The following OR1J2 variants were observed in gnomAD, a reference collection of about 807,000 sequenced individuals.
OR1J2 encodes the protein olfactory receptor 1J2.
For missense variants in OR1J2, 304 were observed against 246.1 expected, an observed-to-expected ratio of 1.24 and a Z score of -1.57; for synonymous variants, 142 against 99.7, an observed-to-expected ratio of 1.42 and a Z score of -2.52.
At chr9:122,554,235 A>T in the OR1J2 span, 14 of 1,174,666 alleles carry the variant, frequency 1.2e-5, no homozygotes, top group Admixed American at 3.0e-4. Flanking sequence ...TAATTCTACT[A>T]CTGTCATGTT....
chr9:122,556,164 G>A, the OR1J2 span, among the ~76,000 whole-genome samples: 86,992 of 151,952 alleles, frequency 0.57, 25,409 homozygotes, highest in East Asian at 0.97. Flanking sequence ...TTCACTTAGA[G>A]TGTGTTTAAG....
chr9:122,519,593 C>G, the OR1J2 span: 1 of 1,614,114 alleles, frequency 6.2e-7, no homozygotes, highest in Non-Finnish European at 8.5e-7. Flanking sequence ...CCTGGATCCT[C>G]TCCTGTACCA....
At chr9:122,543,290 CCTT>C in the OR1J2 span, among the ~76,000 whole-genome samples, 30,258 of 152,098 alleles carry the variant, frequency 0.2, 3,440 homozygotes, top group Middle Eastern at 0.29. Flanking sequence ...GCAGCCTCGA[CCTT>C]CTGGGCTCAA....
At chr9:122,467,173 A>T in the OR1J2 span, among the ~76,000 whole-genome samples, 1 of 152,062 alleles carries the variant, frequency 6.6e-6, no homozygotes, top group South Asian at 2.1e-4. Context: ...AATATTTTTC[A>T]TCCTTAATCC....
the OR1J2 span, among the ~76,000 whole-genome samples, chr9:122,489,967 T>C: frequency 6.6e-6 from 1 of 152,272 alleles, no homozygotes; most frequent in East Asian, 1.9e-4. Context: ...TAACATTTAG[T>C]ATGCAGTAAG....
the OR1J2 span, among the ~76,000 whole-genome samples, chr9:122,460,185 A>G: frequency 3.1e-5 from 1 of 32,422 alleles, no homozygotes; most frequent in African/African-American, 2.4e-4. Flanking sequence ...GTGTGTGTAT[A>G]TATATATACA....
chr9:122,463,734 G>T, the OR1J2 span, among the ~76,000 whole-genome samples: 3 of 152,146 alleles, frequency 2.0e-5, no homozygotes, highest in African/African-American at 7.2e-5. Context: ...ACTGGGCTCT[G>T]GGCTGGTATA....
chr9:122,519,521 T>C, the OR1J2 span: 1 of 1,614,168 alleles, frequency 6.2e-7, no homozygotes, highest in Admixed American at 1.7e-5. Context: ...TGGCCATCTG[T>C]CACCCCCTCC....
the OR1J2 span, chr9:122,519,298 C>A: frequency 6.2e-7 from 1 of 1,614,074 alleles, no homozygotes; most frequent in Non-Finnish European, 8.5e-7. Context: ...CGGCTGGACT[C>A]TCACCTTCAC....
the OR1J2 span, among the ~76,000 whole-genome samples, chr9:122,485,415 G>A: frequency 6.6e-6 from 1 of 152,194 alleles, no homozygotes; most frequent in Admixed American, 6.5e-5. Context: ...TAGAAAATGA[G>A]TGATAGAACC....
the OR1J2 span, among the ~76,000 whole-genome samples, chr9:122,504,949 C>T: frequency 1.3e-5 from 2 of 152,118 alleles, no homozygotes; most frequent in Non-Finnish European, 2.9e-5. Flanking sequence ...AACTATCTTA[C>T]AGCCCACTTT....
chr9:122,549,894 A>G, the OR1J2 span, among the ~76,000 whole-genome samples: 5 of 152,232 alleles, frequency 3.3e-5, no homozygotes, highest in East Asian at 9.7e-4. Flanking sequence ...AATTCTATGA[A>G]AAATGGTGTT....
At chr9:122,479,622 C>T in the OR1J2 span, among the ~76,000 whole-genome samples, 1 of 152,140 alleles carries the variant, frequency 6.6e-6, no homozygotes, top group Non-Finnish European at 1.5e-5. Context: ...ATTAGCGAGG[C>T]TGTCAGATGC....
chr9:122,571,714 C>CAAA, the OR1J2 span, among the ~76,000 whole-genome samples: 6 of 124,382 alleles, frequency 4.8e-5, no homozygotes, highest in Non-Finnish European at 6.9e-5. Flanking sequence ...GACTCAGTCT[C>CAAA]AAAAAAAAAA....
At chr9:122,485,024 A>G in the OR1J2 span, among the ~76,000 whole-genome samples, 1 of 152,078 alleles carries the variant, frequency 6.6e-6, no homozygotes, top group Admixed American at 6.6e-5. Flanking sequence ...GAGTGAGACC[A>G]TGTTTCAAAA....
chr9:122,473,453 A>G, the OR1J2 span, among the ~76,000 whole-genome samples: 1 of 152,176 alleles, frequency 6.6e-6, no homozygotes, highest in Non-Finnish European at 1.5e-5. Context: ...TTTAAGAGGA[A>G]GGGCCATTAG....
chr9:122,547,620 AGT>A, the OR1J2 span, among the ~76,000 whole-genome samples: 15,431 of 142,612 alleles, frequency 0.11, 775 homozygotes, highest in African/African-American at 0.14. Context: ...GTAGTAGTTC[AGT>A]GTGTGTGTGT....
downstream of OR1J2, among the ~76,000 whole-genome samples, chr9:122,516,592 C>T (rs1403847410): frequency 6.6e-6 from 1 of 152,068 alleles, no homozygotes; most frequent in South Asian, 2.1e-4. Flanking sequence ...CGTGAGCCAC[C>T]GCGCCCGGCC....
At chr9:122,459,266 A>T in the OR1J2 span, among the ~76,000 whole-genome samples, 2 of 152,224 alleles carry the variant, frequency 1.3e-5, no homozygotes, top group Admixed American at 1.3e-4. Flanking sequence ...GAGGATAGAC[A>T]TCTTTTTGTC....
Sources: allele counts gnomAD v4.1 joint callset (sites outside exome capture counted in the v4.1 genomes callset), GRCh38; gene constraint gnomAD v4.1.1; transcripts MANE v1.5; gene names NCBI Gene and HGNC (gene_info 2026-07-23, HGNC 2026-07-21).